RIMS2: variants seen among roughly 807,000 people sequenced by gnomAD.
The protein encoded by RIMS2 is regulating synaptic membrane exocytosis protein 2.
RIMS2 carries 59 observed loss-of-function variants against 174.4 expected under a neutral mutation model. That is an observed-to-expected ratio of 0.34 (90% confidence interval 0.27 to 0.42). The LOEUF is 0.42. Ranked by LOEUF, RIMS2 falls within the 10% of genes least tolerant of loss-of-function variation. The pLI is 1.00. For synonymous variants in RIMS2, 606 were observed against 572.5 expected (o/e 1.06, Z -0.84); for missense variants, 1,620 against 1,666.3 (o/e 0.97, Z 0.48).
intron 16 of RIMS2, among the ~76,000 whole-genome samples, chr8:103,987,095 T>C (rs766116173): frequency 9.2e-5 from 14 of 152,134 alleles, no homozygotes; most frequent in Non-Finnish European, 1.8e-4. Flanking sequence ...CTAATTCTTT[T>C]TCTGGAACTA....
intron 19 of RIMS2, chr8:104,015,370 C>T: frequency 3.1e-6 from 2 of 654,832 alleles, no homozygotes; most frequent in South Asian, 1.7e-5. Flanking sequence ...CTTTGGTTCC[C>T]TTTTTGTTTG....
intron 3 of RIMS2, among the ~76,000 whole-genome samples, chr8:103,869,381 G>A (rs1029660664): frequency 6.7e-6 from 1 of 150,070 alleles, no homozygotes; most frequent in African/African-American, 2.5e-5. Flanking sequence ...TTTTTAGTAA[G>A]AGACGGGGTT....
chr8:103,567,481 T>C (rs2092455267), intron 1 of RIMS2, among the ~76,000 whole-genome samples: 1 of 152,280 alleles, frequency 6.6e-6, no homozygotes, highest in South Asian at 2.1e-4. Context: ...GGTTTATTCA[T>C]GTCGTAACAT....
chr8:103,547,628 A>G (rs1378892800), intron 1 of RIMS2, among the ~76,000 whole-genome samples: 1 of 152,152 alleles, frequency 6.6e-6, no homozygotes, highest in Non-Finnish European at 1.5e-5. Flanking sequence ...ACCAACCCCA[A>G]AGCCAGTAGA....
At chr8:103,555,504 G>A (rs371536471) in intron 1 of RIMS2, among the ~76,000 whole-genome samples, 21 of 152,202 alleles carry the variant, frequency 1.4e-4, no homozygotes, top group African/African-American at 4.6e-4. Context: ...TATAGCAGTC[G>A]TTTAACCAAG....
chr8:104,101,014 A>G (rs893054528), intron 19 of RIMS2, among the ~76,000 whole-genome samples: 1 of 139,410 alleles, frequency 7.2e-6, no homozygotes, highest in African/African-American at 2.7e-5. Context: ...ATGATATATT[A>G]CATATGTAAT....
chr8:103,769,049 C>T (rs1480965311), intron 3 of RIMS2: 6 of 295,636 alleles, frequency 2.0e-5, no homozygotes, highest in South Asian at 1.3e-4. Flanking sequence ...AATAACAAAT[C>T]GATAAGATCA....
intron 1 of RIMS2, among the ~76,000 whole-genome samples, chr8:103,525,275 T>A (rs906791159): frequency 6.6e-6 from 1 of 152,220 alleles, no homozygotes; most frequent in Non-Finnish European, 1.5e-5. Context: ...TATTTTTGTT[T>A]CAAGCAGCAA....
chr8:103,888,256 A>G (rs1009440089), intron 4 of RIMS2, among the ~76,000 whole-genome samples: 1 of 151,600 alleles, frequency 6.6e-6, no homozygotes, highest in Non-Finnish European at 1.5e-5. Context: ...GAAGTTTTAA[A>G]AAATCACATT....
intron 3 of RIMS2, among the ~76,000 whole-genome samples, chr8:103,826,571 C>T (rs2098792243): frequency 6.6e-6 from 1 of 151,666 alleles, no homozygotes; most frequent in African/African-American, 2.4e-5. Flanking sequence ...CTGATCTGTG[C>T]AATATGCCAG....
Position 104,009,455 on chromosome 8 carries a change from G to A in RIMS2, c.3045-3987G>A, listed in dbSNP as rs144851331. Among the ~76,000 whole-genome samples, 504 of 151,670 alleles carry A rather than the reference G, an allele frequency of 3.3e-3. 4 individuals are homozygous for A. The Middle Eastern group carries it at 0.092, about 28-fold the overall frequency. ...ACTATAGGTGTTTGCCACCACACCCGCTATTTTTTATTTTTATTTTTTGTA... is the reference window on the plus strand; with the variant it reads ...ACTATAGGTGTTTGCCACCACACCCACTATTTTTTATTTTTATTTTTTGTA... On this transcript the variant is annotated intron_variant, in intron 17 of 23. Coordinates refer to ENST00000504942, the Ensembl canonical transcript of RIMS2.
intron 19 of RIMS2, among the ~76,000 whole-genome samples, chr8:104,162,151 C>CATA (rs2098766317): frequency 6.6e-6 from 1 of 152,110 alleles, no homozygotes; most frequent in African/African-American, 2.4e-5. Flanking sequence ...AGTGCATGGA[C>CATA]ATCTTTGGGG....
chr8:104,223,719 G>A (rs772090102), intron 19 of RIMS2: 11 of 1,591,732 alleles, frequency 6.9e-6, no homozygotes, highest in Non-Finnish European at 9.4e-6. Context: ...CAGAGCCGGA[G>A]TAGCCTGTCT....
chr8:103,748,753 T>C (rs1362160743), intron 2 of RIMS2, among the ~76,000 whole-genome samples: 2 of 152,138 alleles, frequency 1.3e-5, no homozygotes, highest in African/African-American at 4.8e-5. Context: ...TCAGAAATTT[T>C]CATGTTCCAA....
chr8:103,624,825 T>C (rs1050522517), intron 1 of RIMS2, among the ~76,000 whole-genome samples: 4 of 152,148 alleles, frequency 2.6e-5, no homozygotes, highest in African/African-American at 7.2e-5. Flanking sequence ...GTTTTCATCT[T>C]TATACATATC....
chr8:103,824,867 G>T (rs1047873085), intron 3 of RIMS2, among the ~76,000 whole-genome samples: 5 of 152,174 alleles, frequency 3.3e-5, no homozygotes, highest in Non-Finnish European at 7.3e-5. Flanking sequence ...AATGTGAGAC[G>T]TAGAGTTAAT....
intron 16 of RIMS2, among the ~76,000 whole-genome samples, chr8:103,989,088 G>T (rs2094534706): frequency 6.6e-6 from 1 of 152,074 alleles, no homozygotes; most frequent in African/African-American, 2.4e-5. Flanking sequence ...AGTTTAATTT[G>T]AGCTCCTTGT....
At chr8:103,927,591 A>T (rs572635486) in intron 10 of RIMS2, among the ~76,000 whole-genome samples, 14 of 151,646 alleles carry the variant, frequency 9.2e-5, no homozygotes, top group South Asian at 6.2e-4. Context: ...AATTCTTGTT[A>T]TGTGAACTAC....
chr8:103,921,981 C>T, intron 10 of RIMS2, 197 bp downstream of exon 13: 1 of 315,300 alleles, frequency 3.2e-6, no homozygotes, highest in Non-Finnish European at 5.8e-6. Flanking sequence ...GTTAGATTTA[C>T]TGAAATTTAA....
Sources: gnomAD v4.1 joint callset for allele counts (sites outside exome capture counted in the v4.1 genomes callset) on GRCh38, gnomAD v4.1.1 for gene constraint, MANE v1.5 for transcripts, NCBI Gene and HGNC (gene_info 2026-07-23, HGNC 2026-07-21) for gene names.